The following CENPC variants were observed in gnomAD, a reference collection of about 807,000 sequenced individuals.
CENPC encodes the protein CENP-C 1.
In CENPC, 63 loss-of-function variants were observed where a neutral mutation model predicts 112.1. The observed-to-expected ratio is 0.56, with a 90% confidence interval of 0.46 to 0.69. CENPC has a LOEUF of 0.69. Ranked by LOEUF, CENPC falls within the 30% of genes least tolerant of loss-of-function variation. CENPC has a pLI of 0.00. For synonymous variants in CENPC, 333 were observed against 367.6 expected (o/e 0.91, Z 1.08); for missense variants, 1,000 against 1,103.8 (o/e 0.91, Z 1.33).
intron 2 of CENPC, 94 bp downstream of exon 2, chr4:67,544,055 A>G (rs1056735132): frequency 2.9e-6 from 2 of 694,196 alleles, no homozygotes; most frequent in Middle Eastern, 2.4e-4. Context: ...AAATCATTAT[A>G]TTAGTCAGAG....
intron 16 of CENPC, among the ~76,000 whole-genome samples, chr4:67,490,443 T>C (rs990185804): frequency 6.6e-6 from 1 of 152,180 alleles, no homozygotes; most frequent in Non-Finnish European, 1.5e-5. Flanking sequence ...GTGTAAACTA[T>C]TTAAAATATT....
At chr4:67,525,846 A>G (rs897581006) in intron 5 of CENPC, among the ~76,000 whole-genome samples, 7 of 152,266 alleles carry the variant, frequency 4.6e-5, no homozygotes, top group African/African-American at 1.4e-4. Flanking sequence ...ATTATAAATC[A>G]TTCTGCTATA....
chr4:67,491,480 T>TAGAGAGAGAGAGAGAGAG (rs71219046), intron 16 of CENPC, among the ~76,000 whole-genome samples: 18 of 18,100 alleles, frequency 9.9e-4, no homozygotes, highest in Admixed American at 1.6e-3. Flanking sequence ...TATATATATA[T>TAGAGAGAGAGAGAGAGAG]AGAGAGAGAG....
At chr4:67,526,450 C>T (rs1294483439) in intron 5 of CENPC, among the ~76,000 whole-genome samples, 2 of 151,360 alleles carry the variant, frequency 1.3e-5, no homozygotes, top group Non-Finnish European at 3.0e-5. Context: ...ACACAAACTA[C>T]CAAAATTCAG....
intron 17 of CENPC, among the ~76,000 whole-genome samples, chr4:67,483,549 A>AT (rs1192419633): frequency 1.1e-5 from 1 of 89,858 alleles, no homozygotes; most frequent in Non-Finnish European, 2.9e-5. Context: ...CCACTTATAT[A>AT]AAAAAAAAAA....
intron 7 of CENPC, among the ~76,000 whole-genome samples, chr4:67,516,702 T>C (rs1260737536): frequency 1.3e-5 from 2 of 152,050 alleles, no homozygotes; most frequent in East Asian, 1.9e-4. Context: ...ACAGAAATGA[T>C]ATCCTTAGGA....
At chr4:67,489,853 T>A in intron 17 of CENPC, 114 bp downstream of exon 17, 1 of 848,794 alleles carries the variant, frequency 1.2e-6, no homozygotes, top group Non-Finnish European at 1.8e-6. Flanking sequence ...TTTCTCTGTG[T>A]GGTGTAGTAA....
intron 5 of CENPC, among the ~76,000 whole-genome samples, chr4:67,527,088 AC>A (rs1726402940): frequency 6.6e-6 from 1 of 152,230 alleles, no homozygotes; most frequent in Admixed American, 6.5e-5. Context: ...AGTGAAATGA[AC>A]ACAAAACATG....
intron 5 of CENPC, 90 bp downstream of exon 5, chr4:67,530,725 C>A: frequency 1.8e-6 from 1 of 558,504 alleles, no homozygotes; most frequent in Non-Finnish European, 3.0e-6. Flanking sequence ...CTGACCCTGA[C>A]CTTCATACTC....
At chr4:67,500,307 G>T (rs1295254229) in intron 12 of CENPC, among the ~76,000 whole-genome samples, 1 of 152,050 alleles carries the variant, frequency 6.6e-6, no homozygotes, top group Non-Finnish European at 1.5e-5. Context: ...TATAAATATA[G>T]AAATAGATAT....
intron 10 of CENPC, among the ~76,000 whole-genome samples, chr4:67,507,557 A>C (rs1179104417): frequency 6.6e-6 from 1 of 152,216 alleles, no homozygotes; most frequent in Non-Finnish European, 1.5e-5. Context: ...CAAATTATCA[A>C]AATTGATTCA....
chr4:67,484,559 C>T lies in CENPC; in HGVS notation c.2670+5408G>A, dbSNP rs1725036736. On this transcript the variant is annotated intron_variant, in intron 17 of 18. Coordinates refer to ENST00000273853, the MANE Select transcript of CENPC (RefSeq NM_001812.4). ...CACATGAACCCTATTGTGAAATGTG[C>T]ATGTGAGAAATCTAGGTTGTGTGCT... is the stretch of plus-strand genomic sequence containing the variant. Among the ~76,000 whole-genome samples, 2 of 152,150 alleles carry T rather than the reference C, an allele frequency of 1.3e-5. 1 individual carries two copies. The highest frequency in any genetic ancestry group is 2.9e-5 in the Non-Finnish European group (2 of 68,036).
At chr4:67,479,491 T>C (rs1724896148) in intron 17 of CENPC, among the ~76,000 whole-genome samples, 1 of 152,108 alleles carries the variant, frequency 6.6e-6, no homozygotes, top group South Asian at 2.1e-4. Flanking sequence ...AACAATGAAA[T>C]AAAGATGAAA....
At chr4:67,495,598 C>T (rs531081755) in intron 12 of CENPC, among the ~76,000 whole-genome samples, 3 of 152,144 alleles carry the variant, frequency 2.0e-5, no homozygotes, top group East Asian at 3.9e-4. Flanking sequence ...TGACTGTATT[C>T]GCTCCCTTGG....
At chr4:67,525,240 G>A (rs1726341480) in intron 5 of CENPC, among the ~76,000 whole-genome samples, 1 of 152,070 alleles carries the variant, frequency 6.6e-6, no homozygotes, top group African/African-American at 2.4e-5. Flanking sequence ...GAAAACCTAG[G>A]CAATACCATT....
chr4:67,514,117 C>T lies in CENPC; in HGVS notation c.1401G>A (p.Glu467=), dbSNP rs1299638331. 4 of 1,604,926 alleles carry T rather than the reference C, an allele frequency of 2.5e-6. No individual in the cohort carries two copies. The highest frequency in any genetic ancestry group is 2.7e-5 in the African/African-American group (2 of 74,594). Residue 467 remains glutamate, a synonymous_variant, in exon 8 of 19, where the codon GAG becomes GAA. Transcript: ENST00000273853. The part of the protein sequence containing the change: ...NSDRNMEEHE[E]MGNDCVSKKQ... ...TTTTGGAAACACAATCATTTCCCAT[C>T]TCTTCATGCTCTTCCATATTTCTGT... is the stretch of plus-strand genomic sequence containing the variant.
chr4:67,492,678 T>C, intron 15 of CENPC, 191 bp downstream of exon 15: 1 of 926,390 alleles, frequency 1.1e-6, no homozygotes, highest in Non-Finnish European at 1.5e-6. Context: ...AATATGCTAT[T>C]AATAATTTTT....
chr4:67,498,600 C>T (rs930770153), intron 12 of CENPC, among the ~76,000 whole-genome samples: 3 of 152,174 alleles, frequency 2.0e-5, no homozygotes, highest in South Asian at 2.1e-4. Flanking sequence ...TCAGTTCCTT[C>T]GTTCTTCCAT....
chr4:67,495,150 T>C lies in CENPC; in HGVS notation c.2185+9A>G, dbSNP rs1041432525. 1.7e-5 allele frequency: 25 copies of C among 1,506,332 alleles called. No individual in the cohort carries two copies. Among genetic ancestry groups the C allele is most frequent in the Non-Finnish European group, 2.2e-5 (25 of 1,131,752 alleles). The allele number at this position is 1,506,332 out of a possible 1,614,324, so 93.3% of individuals were successfully genotyped here. On this transcript the variant is annotated intron_variant, in intron 13 of 18. Coordinates refer to ENST00000273853, the MANE Select transcript of CENPC (RefSeq NM_001812.4). The stretch of plus-strand genomic sequence containing the variant: ...CAATGAAAATATTAAAAAAGAAAAA[T>C]ATTCTTACCTAGTTTGTGATGGATT...
Sources: allele counts gnomAD v4.1 joint callset (sites outside exome capture counted in the v4.1 genomes callset), GRCh38; gene constraint gnomAD v4.1.1; transcripts MANE v1.5; gene names NCBI Gene and HGNC (gene_info 2026-07-23, HGNC 2026-07-21).